Variants in ZNF727 observed in about 807,000 individuals in gnomAD.
The protein encoded by ZNF727 is zinc finger protein 727, also known as putative zinc finger protein 727.
In ZNF727, 11 loss-of-function variants were observed where a neutral mutation model predicts 11.5. The observed-to-expected ratio is 0.95, with a 90% CI of 0.60 to 1.58. ZNF727 has a LOEUF of 1.58. Ranked by LOEUF, ZNF727 falls within the 40% of genes most tolerant of loss-of-function variation. The pLI, the probability that ZNF727 is intolerant of heterozygous loss-of-function variation, is 0.00. For missense variants in ZNF727, 533 were observed against 581.7 expected, an observed-to-expected ratio of 0.92 and a Z score of 0.86; for synonymous variants, 171 against 196.1, an observed-to-expected ratio of 0.87 and a Z score of 1.07.
At chr7:64,076,292 C>T (rs1785655526) in intron 3 of ZNF727, among the ~76,000 whole-genome samples, 2 of 151,800 alleles carry the variant, frequency 1.3e-5, no homozygotes, top group South Asian at 4.2e-4. Context: ...GGTTATTAGT[C>T]AATGATTGTT....
At chr7:64,057,586 G>C (rs190675203) in intron 1 of ZNF727, among the ~76,000 whole-genome samples, 2 of 152,072 alleles carry the variant, frequency 1.3e-5, no homozygotes, top group Non-Finnish European at 2.9e-5. Context: ...GAAGAACAGC[G>C]AATGGGTGCT....
chr7:64,071,730 G>A (rs1267288712), intron 3 of ZNF727, among the ~76,000 whole-genome samples: 1 of 152,150 alleles, frequency 6.6e-6, no homozygotes, highest in East Asian at 1.9e-4. Context: ...TTGTCATAGA[G>A]TCCTTATTTT....
intron 1 of ZNF727, among the ~76,000 whole-genome samples, chr7:64,048,329 T>A (rs1036889726): frequency 7.2e-5 from 11 of 152,288 alleles, no homozygotes; most frequent in African/African-American, 2.6e-4. Flanking sequence ...GTCTGTTCTG[T>A]TTTAGCATGA....
At position 64,079,217 on chromosome 7, in the gene ZNF727, A is replaced by G. The variant is rs1785745156; in HGVS notation, c.*668A>G. Among the ~76,000 whole-genome samples the G allele has an allele frequency of 6.6e-6, 1 of 152,216 alleles. No individual in the cohort carries two copies. The highest frequency in any genetic ancestry group is 6.5e-5 in the Admixed American group (1 of 15,280). ...CTCACACGTCATTAGACATAAGACA[A>G]TTCATAGTAGAGAGAAGCTCCACAA... On this transcript the variant is annotated 3_prime_UTR_variant, in exon 4 of 4. Coordinates refer to ENST00000456806, the MANE Select transcript of ZNF727 (RefSeq NM_001159522.3).
intron 1 of ZNF727, among the ~76,000 whole-genome samples, chr7:64,053,789 T>C (rs562051564): frequency 6.6e-6 from 1 of 152,268 alleles, no homozygotes; most frequent in African/African-American, 2.4e-5. Context: ...CTTTTGTAAA[T>C]TGCCCAGTCT....
At chr7:64,055,586 C>T (rs1014242407) in intron 1 of ZNF727, among the ~76,000 whole-genome samples, 3 of 152,142 alleles carry the variant, frequency 2.0e-5, no homozygotes, top group African/African-American at 7.2e-5. Context: ...TCTCTGAATT[C>T]TACCATTCTC....
Position 64,068,903 on chromosome 7 carries a change from T to G in ZNF727, c.16T>G (p.Phe6Val). 6.3e-7 allele frequency: 1 copy of G among 1,599,436 alleles called. No homozygotes were observed. The highest frequency in any genetic ancestry group is 8.5e-7 in the Non-Finnish European group (1 of 1,172,244). MRVLTFRDVAVEFSPE... is the reference protein window; with the variant it reads MRVLTVRDVAVEFSPE... ...TTTTGTTTTTCAGCGAGTGCTAACA[T>G]TCAGGGATGTGGCTGTAGAATTCTC... Residue 6 changes from phenylalanine to valine, a missense_variant, in exon 2 of 4, where the codon TTC becomes GTC. Phe to Val is a conservative substitution (Grantham distance 50, BLOSUM62 -1). Coordinates refer to ENST00000456806, the MANE Select transcript of ZNF727 (RefSeq NM_001159522.3).
chr7:64,062,033 G>A (rs1371439143), intron 1 of ZNF727, among the ~76,000 whole-genome samples: 2 of 86,446 alleles, frequency 2.3e-5, no homozygotes, highest in Admixed American at 1.2e-4. Flanking sequence ...ACATTTTGTC[G>A]TTTCTATTTA....
intron 3 of ZNF727, 143 bp downstream of exon 3, chr7:64,069,752 A>G (rs2116314593): frequency 1.4e-6 from 1 of 690,568 alleles, no homozygotes; most frequent in East Asian, 2.8e-5. Context: ...TCTTGCTTTA[A>G]CATAGGGGAA....
chr7:64,072,625 T>C (rs993377453), intron 3 of ZNF727, among the ~76,000 whole-genome samples: 6 of 152,106 alleles, frequency 3.9e-5, no homozygotes, highest in Non-Finnish European at 8.8e-5. Context: ...TAGGCATCTT[T>C]CTTTGGGTCT....
Position 64,053,481 on chromosome 7 carries a change from C to G in ZNF727, c.3+7857C>G, listed in dbSNP as rs554906130. On this transcript the variant is annotated intron_variant, in intron 1 of 3. Transcript: ENST00000456806. ...GATTACAGGTGTGTGCCATTATGCC[C>G]AGGTAAATTTTGTATTTTTAGTAGA... Among the ~76,000 whole-genome samples, 80 of 152,158 alleles carry G rather than the reference C, an allele frequency of 5.3e-4. 1 individual carries two copies. Among genetic ancestry groups the G allele is most frequent in the African/African-American group, 1.8e-3 (76 of 41,522 alleles).
At position 64,078,263 on chromosome 7, in the gene ZNF727, T is replaced by G. The variant is rs1785720964; in HGVS notation, c.1214T>G (p.Phe405Cys). The G allele has an allele frequency of 6.2e-7, 1 of 1,602,686 alleles. No homozygotes were observed. The highest frequency in any genetic ancestry group is 1.3e-5 in the African/African-American group (1 of 74,404). ...PYKCEECGKS[F>C]TCSSNLIKHK... ...AAATGTGAAGAATGTGGCAAAAGCTTTACCTGCTCCTCAAACCTTATTAAA... is the reference window on the plus strand; with the variant it reads ...AAATGTGAAGAATGTGGCAAAAGCTGTACCTGCTCCTCAAACCTTATTAAA... The change falls in exon 4 of 4, where the codon TTT becomes TGT. Residue 405 changes from phenylalanine (F) to cysteine (C), a missense_variant. Physicochemically the swap from Phe to Cys is radical, Grantham distance 205. This residue lies in a region of ZNF727 where 463 missense variants were observed against 494.5 expected (regional missense o/e 0.94). Coordinates refer to ENST00000456806, the MANE Select transcript of ZNF727 (RefSeq NM_001159522.3).
intron 3 of ZNF727, among the ~76,000 whole-genome samples, chr7:64,070,628 T>G (rs1789945625): frequency 6.6e-6 from 1 of 152,072 alleles, no homozygotes; most frequent in African/African-American, 2.4e-5. Context: ...ACATACTTAC[T>G]TTTTTGTAGT....
At chr7:64,062,881 G>A (rs1816701) in intron 1 of ZNF727, among the ~76,000 whole-genome samples, 149,347 of 150,200 alleles carry the variant, frequency 0.99, 74,252 homozygotes, top group Middle Eastern at 1. Context: ...TGCTTGATCA[G>A]TTCTGCTGTT....
intron 3 of ZNF727, among the ~76,000 whole-genome samples, chr7:64,072,739 TG>T (rs1369505473): frequency 6.6e-6 from 1 of 152,136 alleles, no homozygotes; most frequent in African/African-American, 2.4e-5. Flanking sequence ...AACCATTTCT[TG>T]GTCTGTAGCT....
intron 1 of ZNF727, among the ~76,000 whole-genome samples, chr7:64,053,330 T>A (rs1789631975): frequency 6.6e-6 from 1 of 151,702 alleles, no homozygotes; most frequent in Admixed American, 6.6e-5. Context: ...TGTTGTTGAT[T>A]TTTCTTTGGA....
At position 64,046,469 on chromosome 7, in the gene ZNF727, T is replaced by C. The variant is rs186549157; in HGVS notation, c.3+845T>C. On this transcript the variant is annotated intron_variant, in intron 1 of 3. Coordinates refer to ENST00000456806, the MANE Select transcript of ZNF727 (RefSeq NM_001159522.3). ...GGGCGTGAATTTCTCATGAATAGTT[T>C]AGCACCATTCCTCTTGGTATTGACC... is the stretch of plus-strand genomic sequence containing the variant. Among the ~76,000 whole-genome samples, 36 of 152,334 alleles carry C rather than the reference T, an allele frequency of 2.4e-4. No individual in the cohort carries two copies. The East Asian group carries it at 6.8e-3, about 29-fold the overall frequency.
rs1422443945 is a variant in ZNF727, at chr7:64,080,973, C to G, written c.*2424C>G. Among the ~76,000 whole-genome samples, 1 of 151,686 alleles carries G rather than the reference C, an allele frequency of 6.6e-6. No homozygotes were observed. Among genetic ancestry groups the G allele is most frequent in the Non-Finnish European group, 1.5e-5 (1 of 67,964 alleles). ...CATACTCTAAATGCTCAGCTCACAA[C>G]TTAGAGTCTGCATACTCTAACTCTG... On this transcript the variant is annotated 3_prime_UTR_variant, in exon 4 of 4. Transcript: ENST00000456806.
At position 64,069,514 on chromosome 7, in the gene ZNF727, G is replaced by C; in HGVS notation, c.131G>C (p.Gly44Ala). 1 of 1,552,282 alleles carries C rather than the reference G, an allele frequency of 6.4e-7. No individual in the cohort carries two copies. The highest frequency in any genetic ancestry group is 8.7e-7 in the Non-Finnish European group (1 of 1,146,676). The change falls in exon 3 of 4, where the codon GGT becomes GCT. Residue 44 changes from glycine to alanine, a missense_variant and splice_region_variant. Transcript: ENST00000456806. ...ATGTTATTTTTTTCTAATAAAACAGGTCTTGCTATCTTTAAGCCAGACTTG... is the reference window on the plus strand; with the variant it reads ...ATGTTATTTTTTTCTAATAAAACAGCTCTTGCTATCTTTAAGCCAGACTTG... ...LENYGNLFSL[G>A]LAIFKPDLIT...
Sources: allele counts gnomAD v4.1 joint callset (sites outside exome capture counted in the v4.1 genomes callset), GRCh38; gene constraint gnomAD v4.1.1; regional missense constraint gnomAD v4.1.1; transcripts MANE v1.5; gene names NCBI Gene and HGNC (gene_info 2026-07-23, HGNC 2026-07-21).